The following CTTNBP2 variants were observed in gnomAD, a reference collection of about 807,000 sequenced individuals.
The protein encoded by CTTNBP2 is cortactin binding protein 2.
A neutral mutation model predicts 156.9 loss-of-function variants in CTTNBP2; 108 were observed. That is an observed-to-expected ratio of 0.69 (90% CI 0.59 to 0.81). The LOEUF (loss-of-function observed/expected upper bound fraction) is 0.81. Ranked by LOEUF, CTTNBP2 falls within the 30% of genes least tolerant of loss-of-function variation. The pLI is 0.00. For missense variants in CTTNBP2, 1,924 were observed against 2,035.4 expected (o/e 0.95, Z 1.05); for synonymous variants, 767 against 751.8 (o/e 1.02, Z -0.33).
At chr7:117,720,899 C>T (rs951165590) in intron 20 of CTTNBP2, among the ~76,000 whole-genome samples, 168 bp downstream of exon 20, 1 of 152,092 alleles carries the variant, frequency 6.6e-6, no homozygotes, top group Non-Finnish European at 1.5e-5. Context: ...TCCAAAGACA[C>T]CATTAGATTT....
At chr7:117,773,571 A>C (rs1797910287) in intron 8 of CTTNBP2, among the ~76,000 whole-genome samples, 1 of 149,866 alleles carries the variant, frequency 6.7e-6, no homozygotes, top group Admixed American at 6.7e-5. Flanking sequence ...GCCACTGTTG[A>C]CTCCTGAAAG....
chr7:117,747,094 C>A (rs944284144), intron 12 of CTTNBP2, among the ~76,000 whole-genome samples: 1 of 152,212 alleles, frequency 6.6e-6, no homozygotes, highest in African/African-American at 2.4e-5. Context: ...GCTGGTCTTG[C>A]AGCAAGGTCT....
chr7:117,818,150 T>C (rs1800731281), intron 2 of CTTNBP2, among the ~76,000 whole-genome samples: 1 of 152,198 alleles, frequency 6.6e-6, no homozygotes, highest in East Asian at 1.9e-4. Context: ...TTACTGACCA[T>C]ATACTAACAT....
At chr7:117,824,180 GTTTT>G (rs11428255) in intron 2 of CTTNBP2, among the ~76,000 whole-genome samples, 1 of 148,204 alleles carries the variant, frequency 6.7e-6, no homozygotes, top group African/African-American at 2.5e-5. Flanking sequence ...AAACTTTCTG[GTTTT>G]TTTTTTTACC....
Position 117,810,931 on chromosome 7 carries a change from G to A in CTTNBP2, c.248C>T (p.Pro83Leu). ...ERYGRFNLND[P>L]FLALQRDYEA... ...ATAGTCTCTCTGGAGTGCCAGGAACGGGTCATTTAGATTAAATCTCCCATA... is the reference window on the plus strand; with the variant it reads ...ATAGTCTCTCTGGAGTGCCAGGAACAGGTCATTTAGATTAAATCTCCCATA... Residue 83 changes from proline to leucine, a missense_variant, in exon 3 of 23, where the codon CCG becomes CTG. Coordinates refer to ENST00000160373, the MANE Select transcript of CTTNBP2 (RefSeq NM_033427.3). 6.2e-7 allele frequency: 1 copy of A among 1,614,026 alleles called. No individual in the cohort carries two copies. The highest frequency in any genetic ancestry group is 8.5e-7 in the Non-Finnish European group (1 of 1,179,998).
intron 2 of CTTNBP2, among the ~76,000 whole-genome samples, chr7:117,860,758 T>TA (rs1803672473): frequency 1.3e-5 from 2 of 152,204 alleles, no homozygotes; most frequent in Non-Finnish European, 2.9e-5. Flanking sequence ...ATTTACTTTT[T>TA]AATGCATGAG....
intron 3 of CTTNBP2, among the ~76,000 whole-genome samples, chr7:117,802,437 C>CAAAAAAAAAAAAAAAAAAAAAAAAA (rs759797673): frequency 1.2e-5 from 1 of 83,738 alleles, no homozygotes; most frequent in Non-Finnish European, 2.9e-5. Context: ...TCAGCATTGG[C>CAAAAAAAAAAAAAAAAAAAAAAAAA]AAAAAAAAAA....
chr7:117,772,875 G>A (rs912188048), intron 8 of CTTNBP2, among the ~76,000 whole-genome samples: 3 of 152,164 alleles, frequency 2.0e-5, no homozygotes, highest in African/African-American at 7.2e-5. Context: ...GGTGGAGCAC[G>A]ACCCTGGGCA....
At chr7:117,824,033 GT>G (rs1388628932) in intron 2 of CTTNBP2, among the ~76,000 whole-genome samples, 1 of 144,478 alleles carries the variant, frequency 6.9e-6, no homozygotes, top group Non-Finnish European at 1.5e-5. Context: ...TTCTTCTTAT[GT>G]AAACACTGCC....
At chr7:117,777,828 T>C (rs922876239) in intron 7 of CTTNBP2, 63 bp from the exon 8 acceptor site, 20 of 1,486,144 alleles carry the variant, frequency 1.3e-5, no homozygotes, top group Non-Finnish European at 1.7e-5. Flanking sequence ...GAAAATATTA[T>C]TGAAAGTTCA....
chr7:117,869,166 G>A (rs1584592695), intron 1 of CTTNBP2, among the ~76,000 whole-genome samples: 1 of 152,298 alleles, frequency 6.6e-6, no homozygotes, highest in African/African-American at 2.4e-5. Flanking sequence ...AAGAATCTAA[G>A]AAGTCATTGA....
At chr7:117,858,122 G>T (rs768182510) in intron 2 of CTTNBP2, among the ~76,000 whole-genome samples, 2 of 152,240 alleles carry the variant, frequency 1.3e-5, no homozygotes, top group Admixed American at 1.3e-4. Flanking sequence ...TGTAATCCCA[G>T]CACTTTGGAA....
At chr7:117,731,036 T>G (rs1795371639) in intron 16 of CTTNBP2, among the ~76,000 whole-genome samples, 1 of 152,128 alleles carries the variant, frequency 6.6e-6, no homozygotes, top group Admixed American at 6.5e-5. Flanking sequence ...GTAAGAGAAT[T>G]TTATTAAGTT....
chr7:117,756,586 G>C lies in CTTNBP2; in HGVS notation c.3317C>G (p.Pro1106Arg). The C allele has an allele frequency of 6.2e-7, 1 of 1,613,812 alleles. No individual in the cohort carries two copies. Reference sequence around the variant, plus strand: ...GAGGTAGTTCTGCATCATCTGGAGAGGGATCATGGAGGCATAAGTCACACT... The same window carrying C: ...GAGGTAGTTCTGCATCATCTGGAGACGGATCATGGAGGCATAAGTCACACT... Reference protein sequence around the residue: ...LSSVTYASMIPLQMMQNYLRL... With the variant: ...LSSVTYASMIRLQMMQNYLRL... The change falls in exon 12 of 23, where the codon CCT becomes CGT. Residue 1106 changes from proline to arginine, a missense_variant. By Grantham distance (103) the Pro-to-Arg change is moderately radical. Transcript: ENST00000160373.
Position 117,867,484 on chromosome 7 carries a change from T to C in CTTNBP2, c.81+5851A>G, listed in dbSNP as rs79734215. 6.2e-4 allele frequency among the ~76,000 whole-genome samples: 95 copies of C among 152,154 alleles called. No individual in the cohort carries two copies. The East Asian group carries it at 0.015, about 24-fold the overall frequency. ...TCTATTTTCTCACTCCTACTAGATGTGTCAGGACAGTAAGAACATTACTTC... is the reference window on the plus strand; with the variant it reads ...TCTATTTTCTCACTCCTACTAGATGCGTCAGGACAGTAAGAACATTACTTC... On this transcript the variant is annotated intron_variant, in intron 1 of 22. Transcript: ENST00000160373.
intron 2 of CTTNBP2, among the ~76,000 whole-genome samples, chr7:117,817,963 G>T (rs1019740985): frequency 6.6e-6 from 1 of 152,112 alleles, no homozygotes; most frequent in Non-Finnish European, 1.5e-5. Context: ...ACATTTTTAA[G>T]CATGGAAAGA....
intron 16 of CTTNBP2, among the ~76,000 whole-genome samples, chr7:117,732,678 GC>G (rs1362152349): frequency 6.7e-6 from 1 of 150,070 alleles, no homozygotes; most frequent in Non-Finnish European, 1.5e-5. Context: ...AAAAAGTCAG[GC>G]ACAGAAACTA....
At chr7:117,830,315 T>C (rs930091973) in intron 2 of CTTNBP2, among the ~76,000 whole-genome samples, 3 of 152,216 alleles carry the variant, frequency 2.0e-5, no homozygotes, top group African/African-American at 7.2e-5. Flanking sequence ...AATGTTTCAC[T>C]ATAATTCTGT....
chr7:117,873,085 AC>A (rs1371859588), intron 1 of CTTNBP2, among the ~76,000 whole-genome samples: 4 of 151,872 alleles, frequency 2.6e-5, no homozygotes, highest in African/African-American at 9.7e-5. Flanking sequence ...GAACCGGGCG[AC>A]CCGGGGCCGC....
Sources: gnomAD v4.1 joint callset for allele counts (sites outside exome capture counted in the v4.1 genomes callset) on GRCh38, gnomAD v4.1.1 for gene constraint, MANE v1.5 for transcripts, NCBI Gene and HGNC (gene_info 2026-07-23, HGNC 2026-07-21) for gene names.